Variants in ZNF37A observed in about 807,000 individuals in gnomAD.
ZNF37A encodes zinc finger protein 37a (KOX 21).
ZNF37A carries 10 observed loss-of-function variants against 12.3 expected under a neutral mutation model. The ratio of observed to expected loss-of-function variants is 0.82; its 90% CI spans 0.50 to 1.38. The LOEUF (loss-of-function observed/expected upper bound fraction) is 1.38, where lower values mean the gene tolerates loss of function less well. ZNF37A is among the 40% of genes most tolerant of loss of function. ZNF37A has a pLI of 0.00. For missense variants in ZNF37A, 580 were observed against 651.2 expected (o/e 0.89, Z 1.19); for synonymous variants, 207 against 223.0 (o/e 0.93, Z 0.64).
At chr10:38,137,902 T>A (rs2070131392) in intron 7 of ZNF37A, 4 of 152,240 alleles carry the variant, frequency 2.6e-5, no homozygotes, top group Admixed American at 2.6e-4. Context: ...TTGACTTCAT[T>A]CTCCTAAGGA....
At chr10:38,107,219 A>C (rs1024871769) in intron 5 of ZNF37A, among the ~76,000 whole-genome samples, 2 of 152,220 alleles carry the variant, frequency 1.3e-5, no homozygotes, top group African/African-American at 4.8e-5. Context: ...TAAAGAAAAG[A>C]ATTTTCAACC....
rs1436769794 is a variant in ZNF37A at position 38,118,486 on chromosome 10, A to G, written c.1335A>G (p.Gly445=). The G allele has an allele frequency of 1.2e-6, 2 of 1,613,932 alleles. No individual in the cohort carries two copies. Among genetic ancestry groups the G allele is most frequent in the Non-Finnish European group, 8.5e-7 (1 of 1,179,984 alleles). Residue 445 remains glycine, a synonymous_variant, in exon 8 of 8, where the codon GGA becomes GGG. Coordinates refer to ENST00000685332, the MANE Select transcript of ZNF37A (RefSeq NM_001324250.3). ...AACCTTATGAATGTATTCAGTGTGG[A>G]AAATTTTTCTGCTACTACTCCGGTT... The part of the protein sequence containing the change: ...GEKPYECIQC[G]KFFCYYSGFT...
downstream of ZNF37A, chr10:38,125,248 A>G (rs958498964): frequency 1.3e-5 from 2 of 152,214 alleles, no homozygotes; most frequent in African/African-American, 4.8e-5. Flanking sequence ...TCTTCAAAGC[A>G]CACAGTTAAG....
At chr10:38,099,348 G>A (rs1259319746) in intron 5 of ZNF37A, among the ~76,000 whole-genome samples, 1 of 152,034 alleles carries the variant, frequency 6.6e-6, no homozygotes, top group Non-Finnish European at 1.5e-5. Context: ...CACTACTTTT[G>A]CTATATCTCA....
At chr10:38,115,066 AGTG>A (rs2069139048) in intron 6 of ZNF37A, 126 bp from the exon 7 acceptor site, 2 of 582,742 alleles carry the variant, frequency 3.4e-6, no homozygotes, top group Admixed American at 7.2e-5. Flanking sequence ...GATTAAATGA[AGTG>A]TGTGTGTGTG....
chr10:38,128,558 T>C (rs1019515064), downstream of ZNF37A, among the ~76,000 whole-genome samples: 3 of 152,098 alleles, frequency 2.0e-5, no homozygotes, highest in African/African-American at 7.2e-5. Flanking sequence ...CCATTGAAAA[T>C]TTTGGATCAG....
At chr10:38,116,785 C>G (rs2069302159) in intron 7 of ZNF37A, among the ~76,000 whole-genome samples, 1 of 152,112 alleles carries the variant, frequency 6.6e-6, no homozygotes, top group African/African-American at 2.4e-5. Flanking sequence ...CTTATTGTTG[C>G]ATACTTTTAT....
Position 38,120,191 on chromosome 10 carries a change from G to A in ZNF37A, c.*1354G>A, listed in dbSNP as rs1219732790. 1 of 152,218 alleles carries A rather than the reference G, an allele frequency of 6.6e-6. No individual in the cohort carries two copies. The highest frequency in any genetic ancestry group is 1.5e-5 in the Non-Finnish European group (1 of 68,062). 9.4% of individuals were successfully genotyped at this position (152,218 alleles called of 1,614,324 possible). A position where few individuals can be genotyped will look rare whatever the true frequency, so the allele number is the denominator to read the frequency against. Reference sequence around the variant, plus strand: ...TGCCTGTAATCCCAGTACTTTGGGAGGCTGAGGTGGGCAAATCACCTGAGG... The same window carrying A: ...TGCCTGTAATCCCAGTACTTTGGGAAGCTGAGGTGGGCAAATCACCTGAGG... On this transcript the variant is annotated 3_prime_UTR_variant, in exon 8 of 8. Transcript: ENST00000685332.
chr10:38,146,930 G>A, exon 8 of ZNF37A: 3 of 393,118 alleles, frequency 7.6e-6, no homozygotes, highest in Non-Finnish European at 1.3e-5. Context: ...CATGTTTATT[G>A]ACAGCAAGCC....
downstream of ZNF37A, among the ~76,000 whole-genome samples, chr10:38,129,534 C>T (rs1303302692): frequency 6.6e-6 from 1 of 151,978 alleles, no homozygotes; most frequent in African/African-American, 2.4e-5. Flanking sequence ...ATTTAGTTTT[C>T]TGTTTCTGTG....
intron 5 of ZNF37A, among the ~76,000 whole-genome samples, chr10:38,102,588 G>A (rs2067687754): frequency 6.6e-6 from 1 of 152,252 alleles, no homozygotes; most frequent in Admixed American, 6.5e-5. Flanking sequence ...GAACATAAAA[G>A]CCAAGAATAC....
At position 38,118,488 on chromosome 10, in the gene ZNF37A, A is replaced by T. The variant is rs773671443; in HGVS notation, c.1337A>T (p.Lys446Ile). Residue 446 changes from lysine (K) to isoleucine (I), a missense_variant, in exon 8 of 8, where the codon AAA becomes ATA. Lys to Ile is a moderately radical substitution (Grantham distance 102, BLOSUM62 -3). Coordinates refer to ENST00000685332, the MANE Select transcript of ZNF37A (RefSeq NM_001324250.3). ...CCTTATGAATGTATTCAGTGTGGAA[A>T]ATTTTTCTGCTACTACTCCGGTTTC... ...EKPYECIQCG[K>I]FFCYYSGFTE... 1.9e-6 allele frequency: 3 copies of T among 1,614,036 alleles called. No individual in the cohort carries two copies. In the South Asian group the frequency reaches 3.3e-5, roughly 18 times the overall value.
chr10:38,114,918 T>C (rs1298564055), intron 6 of ZNF37A, 37 bp downstream of exon 6: 2 of 1,573,836 alleles, frequency 1.3e-6, no homozygotes, highest in Admixed American at 4.0e-5. Context: ...AAGGCCAGAA[T>C]GCATGTCCTT....
At chr10:38,096,749 CA>C in intron 5 of ZNF37A, 117 bp downstream of exon 5, 1 of 909,632 alleles carries the variant, frequency 1.1e-6, no homozygotes. Flanking sequence ...GGAGAGGTCA[CA>C]TTACATTTCA....
At chr10:38,114,695 T>C in intron 5 of ZNF37A, 60 bp from the exon 6 acceptor site, 1 of 1,611,378 alleles carries the variant, frequency 6.2e-7, no homozygotes, top group Non-Finnish European at 8.5e-7. Context: ...TCCCTAAACA[T>C]CTTTTTTCAC....
chr10:38,147,060 T>C lies in ZNF37A; in HGVS notation c.*240T>C, dbSNP rs1280860966. On this transcript the variant is annotated 3_prime_UTR_variant, in exon 8 of 8. Transcript: ENST00000638053. The stretch of plus-strand genomic sequence containing the variant: ...TGGCTGATTATCTGCAGCAAAAACA[T>C]GTTGTTAAGGCACAGGCTGCTCATG... The C allele has an allele frequency of 4.1e-5, 11 of 270,068 alleles. 1 individual carries two copies. The highest frequency in any genetic ancestry group is 1.6e-4 in the Admixed American group (3 of 18,622). The allele number at this position is 270,068 out of a possible 1,614,324, so 16.7% of individuals were successfully genotyped here.
Position 38,121,377 on chromosome 10 carries a change from G to T in ZNF37A, c.*2540G>T, listed in dbSNP as rs183163925. ...TTATTATTTTAAAAAAATCAGTGTG[G>T]ACTTCCATTCCTCTTTCTTTTGATT... On this transcript the variant is annotated 3_prime_UTR_variant, in exon 8 of 8. Coordinates refer to ENST00000685332, the MANE Select transcript of ZNF37A (RefSeq NM_001324250.3). 1 of 152,056 alleles carries T rather than the reference G, an allele frequency of 6.6e-6. No individual in the cohort carries two copies. Among genetic ancestry groups the T allele is most frequent in the African/African-American group, 2.4e-5 (1 of 41,402 alleles). 9.4% of individuals were successfully genotyped at this position (152,056 alleles called of 1,614,324 possible). A position where few individuals can be genotyped will look rare whatever the true frequency, so the allele number is the denominator to read the frequency against.
chr10:38,118,195 G>T lies in ZNF37A; in HGVS notation c.1044G>T (p.Thr348=), dbSNP rs149714320. The T allele has an allele frequency of 6.2e-7, 1 of 1,612,758 alleles. No homozygotes were observed. The highest frequency in any genetic ancestry group is 8.5e-7 in the Non-Finnish European group (1 of 1,179,632). Residue 348 remains threonine (T), a synonymous_variant, in exon 8 of 8, where the codon ACG becomes ACT. Coordinates refer to ENST00000685332, the MANE Select transcript of ZNF37A (RefSeq NM_001324250.3). ...EKSTLTQHQR[T]HTGEKPYECH... ...CAACCCTTACTCAACATCAAAGAAC[G>T]CACACAGGGGAGAAACCATATGAAT... is the stretch of plus-strand genomic sequence containing the variant.
chr10:38,134,530 C>T (rs1214563524), intron 7 of ZNF37A, among the ~76,000 whole-genome samples: 1 of 152,216 alleles, frequency 6.6e-6, no homozygotes, highest in Non-Finnish European at 1.5e-5. Context: ...CCCTCAGCTG[C>T]AGGTCTGTTG....
Sources: gnomAD v4.1 joint callset for allele counts (sites outside exome capture counted in the v4.1 genomes callset) on GRCh38, gnomAD v4.1.1 for gene constraint, MANE v1.5 for transcripts, NCBI Gene and HGNC (gene_info 2026-07-23, HGNC 2026-07-21) for gene names.